The following KAZN variants were observed in gnomAD, a reference collection of about 807,000 sequenced individuals.
KAZN encodes the protein kazrin.
A neutral mutation model predicts 87.4 loss-of-function variants in KAZN; 40 were observed. That is an observed-to-expected ratio of 0.46 (90% CI 0.36 to 0.60). The LOEUF (loss-of-function observed/expected upper bound fraction) is 0.60, where lower values mean the gene tolerates loss of function less well. Ranked by LOEUF, KAZN falls within the 20% of genes least tolerant of loss-of-function variation. The pLI is 0.00. For synonymous variants in KAZN, 466 were observed against 458.3 expected, an observed-to-expected ratio of 1.02 and a Z score of -0.22; for missense variants, 898 against 1,073.9, an observed-to-expected ratio of 0.84 and a Z score of 2.29.
At chr1:14,563,286 T>A (rs1674358254) in intron 2 of KAZN, among the ~76,000 whole-genome samples, 1 of 152,154 alleles carries the variant, frequency 6.6e-6, no homozygotes, top group Admixed American at 6.5e-5. Flanking sequence ...TCCACAAGGG[T>A]CATCTGGGGA....
At chr1:14,484,983 C>T (rs1669271271) in intron 2 of KAZN, among the ~76,000 whole-genome samples, 1 of 152,174 alleles carries the variant, frequency 6.6e-6, no homozygotes, top group East Asian at 1.9e-4. Context: ...AAAATTCTCC[C>T]CCACACCACC....
chr1:14,677,542 A>T (rs74058783), intron 1 of KAZN, among the ~76,000 whole-genome samples: 3,471 of 152,084 alleles, frequency 0.023, 134 homozygotes, highest in African/African-American at 0.076. Flanking sequence ...AGACTCTAAG[A>T]CACCCCAGGG....
intron 2 of KAZN, among the ~76,000 whole-genome samples, chr1:14,586,654 C>G (rs1423120725): frequency 6.6e-6 from 1 of 151,746 alleles, no homozygotes; most frequent in Non-Finnish European, 1.5e-5. Flanking sequence ...CTTTGGCCTC[C>G]CAAAGCACAT....
chr1:14,513,297 C>T (rs570827013), intron 2 of KAZN, among the ~76,000 whole-genome samples: 1 of 152,280 alleles, frequency 6.6e-6, no homozygotes, highest in Non-Finnish European at 1.5e-5. Context: ...TTCTCCGACT[C>T]CCACAGTCAG....
chr1:14,166,875 A>G (rs1645839023), intron 1 of KAZN, among the ~76,000 whole-genome samples: 2 of 152,186 alleles, frequency 1.3e-5, no homozygotes, highest in African/African-American at 4.8e-5. Flanking sequence ...AATTCAGACT[A>G]CTCATTCTCC....
At chr1:14,845,150 G>A (rs1648559550) in intron 1 of KAZN, among the ~76,000 whole-genome samples, 1 of 151,128 alleles carries the variant, frequency 6.6e-6, no homozygotes, top group African/African-American at 2.4e-5. Flanking sequence ...ATGAATGGAT[G>A]GATAGTGAGT....
intron 2 of KAZN, among the ~76,000 whole-genome samples, chr1:14,507,961 G>A (rs1670680682): frequency 7.3e-6 from 1 of 137,424 alleles, no homozygotes; most frequent in Admixed American, 7.4e-5. Context: ...AGCGAGACTC[G>A]GTCTCCAAAA....
At position 15,067,182 on chromosome 1, in the gene KAZN, A is replaced by C. The variant is rs1454018767; in HGVS notation, c.1222+1429A>C. ...TGTTAGGGGAGGCACCCACTTCAAA[A>C]GGAGGGCCACAGTGGGGACACAGAG... On this transcript the variant is annotated intron_variant, in intron 8 of 14. Coordinates refer to ENST00000376030, the MANE Select transcript of KAZN (RefSeq NM_201628.3). The C allele has an allele frequency of 1.5e-5, 15 of 985,458 alleles. No individual in the cohort carries two copies. The African/African-American group carries it at 2.6e-4, about 17-fold the overall frequency. 61.0% of individuals were successfully genotyped at this position (985,458 alleles called of 1,614,324 possible).
chr1:14,044,178 C>G (rs980710982), intron 1 of KAZN, among the ~76,000 whole-genome samples: 4 of 152,138 alleles, frequency 2.6e-5, no homozygotes, highest in African/African-American at 4.8e-5. Context: ...TGCCTAATCA[C>G]CCACCAATAC....
At chr1:14,728,515 G>T (rs1643525248) in intron 1 of KAZN, among the ~76,000 whole-genome samples, 1 of 152,148 alleles carries the variant, frequency 6.6e-6, no homozygotes, top group Non-Finnish European at 1.5e-5. Flanking sequence ...TAAGTCTGTA[G>T]TAGCCCCAGA....
chr1:14,305,135 GT>G (rs1417559088), intron 2 of KAZN, among the ~76,000 whole-genome samples: 1 of 152,040 alleles, frequency 6.6e-6, no homozygotes, highest in Non-Finnish European at 1.5e-5. Context: ...TGTAACCTGG[GT>G]TGAATTCAGC....
intron 2 of KAZN, among the ~76,000 whole-genome samples, chr1:14,503,363 G>A (rs968779883): frequency 6.0e-5 from 9 of 150,842 alleles, no homozygotes; most frequent in Non-Finnish European, 1.3e-4. Flanking sequence ...GGGTGCCTGT[G>A]GTCCCAGCTA....
At chr1:14,429,591 G>A (rs1046350966) in intron 2 of KAZN, among the ~76,000 whole-genome samples, 1 of 152,152 alleles carries the variant, frequency 6.6e-6, no homozygotes, top group Non-Finnish European at 1.5e-5. Flanking sequence ...AAAGGGGAGC[G>A]TCTTTCCCTT....
At chr1:14,108,839 C>G (rs1315493107) in intron 1 of KAZN, among the ~76,000 whole-genome samples, 1 of 152,222 alleles carries the variant, frequency 6.6e-6, no homozygotes, top group Non-Finnish European at 1.5e-5. Context: ...CAATCATCTT[C>G]CATCCTTGGC....
At chr1:14,427,163 A>T (rs1039914190) in intron 2 of KAZN, among the ~76,000 whole-genome samples, 2 of 152,194 alleles carry the variant, frequency 1.3e-5, no homozygotes, top group South Asian at 2.1e-4. Context: ...TTTCTAAGGA[A>T]GGGACATTCA....
At chr1:15,068,816 C>T (rs993575202) in intron 8 of KAZN, among the ~76,000 whole-genome samples, 2 of 152,068 alleles carry the variant, frequency 1.3e-5, no homozygotes, top group African/African-American at 4.8e-5. Context: ...AAATTTTCCC[C>T]GGCAATAAGA....
rs779056126 is a variant in KAZN, at chr1:14,091,109, C to CAAA, written c.92-89304_92-89302dup. On this transcript the variant is annotated intron_variant, in intron 1 of 16. Coordinates refer to the KAZN transcript ENST00000636203. The stretch of plus-strand genomic sequence containing the variant: ...CCTGGGTGACAGAGTGAGACTCTGT[C>CAAA]AAAAAAAAAAAAAAAAAAAAAAAAG... Among the ~76,000 whole-genome samples the CAAA allele has an allele frequency of 5.3e-3, 275 of 51,904 alleles. 8 individuals are homozygous for CAAA. Among genetic ancestry groups the CAAA allele is most frequent in the African/African-American group, 0.017 (258 of 14,984 alleles). The allele number at this position is 51,904 out of a possible 152,430, so 34.1% of individuals were successfully genotyped here.
chr1:14,182,758 A>G (rs1646224831), intron 2 of KAZN, among the ~76,000 whole-genome samples: 1 of 152,172 alleles, frequency 6.6e-6, no homozygotes, highest in South Asian at 2.1e-4. Context: ...CTGTGCTTTA[A>G]CACTGCTTCT....
chr1:14,310,955 G>A (rs547175385), intron 2 of KAZN, among the ~76,000 whole-genome samples: 11 of 152,252 alleles, frequency 7.2e-5, no homozygotes, highest in East Asian at 5.8e-4. Flanking sequence ...CATGAGGGGC[G>A]GTGTTTTAGA....
Sources: gnomAD v4.1 joint callset for allele counts (sites outside exome capture counted in the v4.1 genomes callset) on GRCh38, gnomAD v4.1.1 for gene constraint, MANE v1.5 for transcripts, NCBI Gene and HGNC (gene_info 2026-07-23, HGNC 2026-07-21) for gene names.